The following SIN3A variants were observed in gnomAD, a reference collection of about 807,000 sequenced individuals.
SIN3A encodes SIN3 transcription regulator family member A.
Under a neutral mutation model 146.1 loss-of-function variants are expected in SIN3A, and 14 were observed. That is an observed-to-expected ratio of 0.10 (90% confidence interval 0.06 to 0.15). SIN3A has a LOEUF of 0.15. SIN3A is among the 10% of genes least tolerant of loss of function. The pLI, the probability that SIN3A is intolerant of heterozygous loss-of-function variation, is 1.00. For synonymous variants in SIN3A, 572 were observed against 572.0 expected (o/e 1.00, Z 0.00); for missense variants, 1,028 against 1,576.0 (o/e 0.65, Z 5.89).
At position 75,408,126 on chromosome 15, in the gene SIN3A, C is replaced by T. The variant is rs1181004542; in HGVS notation, c.1318-982G>A. Among the ~76,000 whole-genome samples, 9 of 152,128 alleles carry T rather than the reference C, an allele frequency of 5.9e-5. No homozygotes were observed. In the East Asian group the frequency reaches 1.7e-3, roughly 29 times the overall value. On this transcript the variant is annotated intron_variant, in intron 8 of 20. Transcript: ENST00000394947. ...ACTTTCTTAAGAGCCGCAGCCTCTG[C>T]TTACACTGCCTATGGAGAAAGTAGG...
At chr15:75,378,625 T>C (rs1415497041) in intron 19 of SIN3A, among the ~76,000 whole-genome samples, 1 of 152,078 alleles carries the variant, frequency 6.6e-6, no homozygotes, top group Non-Finnish European at 1.5e-5. Flanking sequence ...TCAAAGAATA[T>C]CCAGTTATCT....
At chr15:75,396,543 TAGAATAG>T (rs758837335) in intron 12 of SIN3A, 47 bp from the exon 13 acceptor site, 1 of 1,301,030 alleles carries the variant, frequency 7.7e-7, no homozygotes. Flanking sequence ...CAAATCAAAA[TAGAATAG>T]AGTAGTGTTT....
At chr15:75,399,089 C>G (rs893231429) in intron 12 of SIN3A, among the ~76,000 whole-genome samples, 1 of 151,374 alleles carries the variant, frequency 6.6e-6, no homozygotes, top group African/African-American at 2.4e-5. Flanking sequence ...GTAGTCCCAG[C>G]CACTCGGTGG....
intron 19 of SIN3A, among the ~76,000 whole-genome samples, chr15:75,376,841 C>G (rs1387067140): frequency 7.6e-6 from 1 of 131,628 alleles, no homozygotes; most frequent in Non-Finnish European, 1.6e-5. Flanking sequence ...GCCTGGGACA[C>G]AGAGCCAGAC....
intron 19 of SIN3A, among the ~76,000 whole-genome samples, chr15:75,379,248 T>C (rs542244214): frequency 1.3e-5 from 2 of 152,338 alleles, no homozygotes; most frequent in African/African-American, 4.8e-5. Context: ...TTTCTTTGTT[T>C]TTATTTCTAA....
At chr15:75,452,487 G>A (rs934053862), upstream of SIN3A, among the ~76,000 whole-genome samples, 19 of 152,350 alleles carry the variant, frequency 1.2e-4, no homozygotes, top group African/African-American at 3.8e-4. Context: ...TATCTTTACA[G>A]TTTACATTCT....
Position 75,401,841 on chromosome 15 carries a change from A to G in SIN3A, c.1526+11T>C. 1 of 1,504,872 alleles carries G rather than the reference A, an allele frequency of 6.6e-7. No individual in the cohort carries two copies. Among genetic ancestry groups the G allele is most frequent in the Non-Finnish European group, 9.3e-7 (1 of 1,080,844 alleles). The allele number at this position is 1,504,872 out of a possible 1,614,324, so 93.2% of individuals were successfully genotyped here. On this transcript the variant is annotated intron_variant, in intron 10 of 20. Coordinates refer to ENST00000394947, the MANE Select transcript of SIN3A (RefSeq NM_001145358.2). ...ATCATGCATCAGGGCTAAGCCCCTC[A>G]CTTCACTTACCCCAGGAAAGGAGAG...
chr15:75,417,046 T>A (rs2073751118), intron 3 of SIN3A, among the ~76,000 whole-genome samples: 1 of 151,996 alleles, frequency 6.6e-6, no homozygotes, highest in African/African-American at 2.4e-5. Context: ...TTTTTTTTTT[T>A]GGTAGCTCAT....
chr15:75,388,835 G>A (rs138641866), intron 16 of SIN3A: 1 of 152,772 alleles, frequency 6.5e-6, no homozygotes, highest in African/African-American at 2.4e-5. Flanking sequence ...ATGAAGCCCT[G>A]CTGGGGACTT....
chr15:75,443,706 C>T (rs879695640), intron 1 of SIN3A: 3 of 152,024 alleles, frequency 2.0e-5, no homozygotes, highest in African/African-American at 7.3e-5. Flanking sequence ...CAGAGTGAGA[C>T]CCTGTATCCA....
At chr15:75,375,918 A>T in intron 19 of SIN3A, 46 bp from the exon 20 acceptor site, 1 of 1,594,738 alleles carries the variant, frequency 6.3e-7, no homozygotes, top group Non-Finnish European at 8.6e-7. Flanking sequence ...CCAGATGCAG[A>T]TTCCCGTGAC....
intron 14 of SIN3A, among the ~76,000 whole-genome samples, chr15:75,393,677 ACTAT>A (rs1235441562): frequency 6.6e-6 from 1 of 152,010 alleles, no homozygotes; most frequent in African/African-American, 2.4e-5. Flanking sequence ...GCCCAGTGGG[ACTAT>A]CTTTCAAAAT....
chr15:75,419,831 A>G (rs1329955693), intron 3 of SIN3A: 2 of 152,178 alleles, frequency 1.3e-5, no homozygotes, highest in African/African-American at 4.8e-5. Context: ...TCTCAAAAAA[A>G]CAAAAAAGTA....
At chr15:75,393,538 G>A (rs758931133) in intron 14 of SIN3A, among the ~76,000 whole-genome samples, 1 of 152,074 alleles carries the variant, frequency 6.6e-6, no homozygotes, top group Non-Finnish European at 1.5e-5. Context: ...ACCATGCCAG[G>A]CTAATTTTGT....
At chr15:75,424,986 T>C (rs1465883575) in intron 2 of SIN3A, among the ~76,000 whole-genome samples, 1 of 152,180 alleles carries the variant, frequency 6.6e-6, no homozygotes, top group Non-Finnish European at 1.5e-5. Context: ...ATTCATGTAC[T>C]GTATATAAAC....
intron 3 of SIN3A, among the ~76,000 whole-genome samples, chr15:75,417,219 C>T (rs2073755947): frequency 6.6e-6 from 1 of 151,900 alleles, no homozygotes; most frequent in East Asian, 1.9e-4. Context: ...ACAGAGACAC[C>T]CAAAAGAAAT....
intron 2 of SIN3A, among the ~76,000 whole-genome samples, chr15:75,427,920 G>A (rs2073953905): frequency 1.3e-5 from 2 of 148,872 alleles, no homozygotes; most frequent in East Asian, 2.0e-4. Context: ...GCAGTGGGCC[G>A]AGATCGCACC....
intron 4 of SIN3A, 107 bp downstream of exon 4, chr15:75,414,098 G>C: frequency 2.1e-6 from 1 of 475,228 alleles, no homozygotes. Context: ...TGAAAATTCA[G>C]CTGCAAAAAG....
rs769881227 is a variant in SIN3A, at chr15:75,411,633, C to T, written c.867G>A (p.Ser289=). Residue 289 remains serine (S), a synonymous_variant, in exon 6 of 21, where the codon TCG becomes TCA. Coordinates refer to ENST00000394947, the MANE Select transcript of SIN3A (RefSeq NM_001145358.2). ...TCTGCAAGGATGGGGCCGTTCCCAA[C>T]GAGATTGTCACTGGTGTGTGAGGCT... ...PVQPHTPVTI[S]LGTAPSLQNN... The T allele has an allele frequency of 9.3e-6, 15 of 1,614,026 alleles. No individual in the cohort carries two copies. The highest frequency in any genetic ancestry group is 8.3e-5 in the Admixed American group (5 of 59,988).
Sources: allele counts gnomAD v4.1 joint callset (sites outside exome capture counted in the v4.1 genomes callset), GRCh38; gene constraint gnomAD v4.1.1; transcripts MANE v1.5; gene names NCBI Gene and HGNC (gene_info 2026-07-23, HGNC 2026-07-21).